CNOT3: variants seen among roughly 807,000 people sequenced by gnomAD.
CNOT3 encodes the protein CCR4-associated factor 3.
In CNOT3, 2 loss-of-function variants were observed where a neutral mutation model predicts 89.4. That is an observed-to-expected ratio of 0.02 (90% CI 0.01 to 0.07). The LOEUF (loss-of-function observed/expected upper bound fraction) is 0.07, where lower values mean the gene tolerates loss of function less well. CNOT3 is among the 10% of genes least tolerant of loss of function. CNOT3 has a pLI of 1.00. For missense variants in CNOT3, 664 were observed against 1,010.2 expected (o/e 0.66, Z 4.65); for synonymous variants, 486 against 402.0 (o/e 1.21, Z -2.50).
intron 13 of CNOT3, among the ~76,000 whole-genome samples, chr19:54,151,046 C>T (rs1406954182): frequency 6.6e-5 from 10 of 152,156 alleles, no homozygotes; most frequent in Non-Finnish European, 8.8e-5. Flanking sequence ...CCACCTTGAC[C>T]TCCCAAAGTG....
Position 54,148,734 on chromosome 19 carries a change from C to T in CNOT3, c.1397C>T (p.Pro466Leu), listed in dbSNP as rs1354453300. The T allele has an allele frequency of 1.9e-6, 3 of 1,611,778 alleles. No individual in the cohort carries two copies. Among genetic ancestry groups the T allele is most frequent in the Non-Finnish European group, 2.5e-6 (3 of 1,179,368 alleles). The change falls in exon 12 of 18, where the codon CCC becomes CTC. Residue 466 changes from proline to leucine, a missense_variant. Pro to Leu is a moderately conservative substitution (Grantham distance 98). This residue lies in a region of CNOT3 where 545 missense variants were observed against 566.2 expected (regional missense o/e 0.96). Coordinates refer to ENST00000221232, the MANE Select transcript of CNOT3 (RefSeq NM_014516.4). The surrounding 1 kb of genome is among the most constrained non-coding windows in gnomAD (Gnocchi z 6.3). Reference protein sequence around the residue: ...GPPSGPHNPPPSTSKEPSAAA... With the variant: ...GPPSGPHNPPLSTSKEPSAAA... ...CCTTCCGGCCCCCACAACCCACCTC[C>T]CAGCACCTCGTGAGTGTCTCGGCCA...
intron 17 of CNOT3, 109 bp downstream of exon 17, chr19:54,153,949 G>A (rs762827837): frequency 3.2e-5 from 45 of 1,417,322 alleles, no homozygotes; most frequent in African/African-American, 9.9e-5. Context: ...TTCAGCTGGC[G>A]CAGTCCCTCA....
At chr19:54,153,333 G>A (rs944624219) in intron 16 of CNOT3, 9 of 761,430 alleles carry the variant, frequency 1.2e-5, no homozygotes, top group Admixed American at 5.1e-5. Flanking sequence ...TCTGCTCATT[G>A]GCACATTCTC....
Position 54,148,754 on chromosome 19 carries a change from C to G in CNOT3, c.1406+11C>G. The G allele has an allele frequency of 1.2e-6, 2 of 1,609,436 alleles. No homozygotes were observed. Among genetic ancestry groups the G allele is most frequent in the East Asian group, 2.2e-5 (1 of 44,776 alleles). ...ACCTCCCAGCACCTCGTGAGTGTCTCGGCCATCGGCAGGGTTGGGATGGCA... is the reference window on the plus strand; with the variant it reads ...ACCTCCCAGCACCTCGTGAGTGTCTGGGCCATCGGCAGGGTTGGGATGGCA... On this transcript the variant is annotated intron_variant, in intron 12 of 17. Coordinates refer to ENST00000221232, the MANE Select transcript of CNOT3 (RefSeq NM_014516.4). The surrounding 1 kb of genome is among the most constrained non-coding windows in gnomAD (Gnocchi z 6.3).
rs145327076 is a variant in CNOT3, at chr19:54,147,349, G to C, written c.894+692G>C. 1.7e-3 allele frequency among the ~76,000 whole-genome samples: 253 copies of C among 152,318 alleles called. 5 individuals are homozygous for C. In the East Asian group the frequency reaches 0.04, roughly 24 times the overall value. ...ACCCTGAGTGGGCATTGAGGAGGCT[G>C]GTGTGGAGACTAAGGGGACCCGCAG... On this transcript the variant is annotated intron_variant, in intron 10 of 17. Transcript: ENST00000221232.
chr19:54,143,081 T>C, intron 2 of CNOT3, 38 bp from the exon 3 acceptor site: 1 of 1,611,434 alleles, frequency 6.2e-7, no homozygotes, highest in Non-Finnish European at 8.5e-7. Context: ...ACCTGCCACC[T>C]GGGCAGGATT....
At chr19:54,143,342 T>TG (rs34281370) in intron 3 of CNOT3, 100 bp from the exon 4 acceptor site, 35,134 of 916,118 alleles carry the variant, frequency 0.038, 439 homozygotes, top group African/African-American at 0.13. Context: ...GGGTAGGGGT[T>TG]GGGGGGGGTC....
At chr19:54,152,138 G>T in intron 13 of CNOT3, 88 bp from the exon 14 acceptor site, 1 of 1,426,752 alleles carries the variant, frequency 7.0e-7, no homozygotes, top group Non-Finnish European at 9.8e-7. Context: ...CCCCAAACAG[G>T]GCAGGTGAGA....
chr19:54,138,706 C>T (rs1332528881), intron 1 of CNOT3, among the ~76,000 whole-genome samples: 1 of 152,234 alleles, frequency 6.6e-6, no homozygotes, highest in African/African-American at 2.4e-5. Flanking sequence ...TAGTTGGAGC[C>T]TTTGCCGAAG....
In CNOT3 at chr19:54,148,580, C is replaced by T. The variant is rs777737001; in HGVS notation, c.1283-40C>T. On this transcript the variant is annotated intron_variant, in intron 11 of 17. Transcript: ENST00000221232. This position sits in a 1 kb window ranked among gnomAD's most constrained non-coding sequence, Gnocchi z 6.3. ...GGTGGGGGGCGTGGGCGGGGCTGGG[C>T]AGCAGGCAGCAGCCCTTTCCATTTA... 6.3e-7 allele frequency: 1 copy of T among 1,595,010 alleles called. No individual in the cohort carries two copies. Among genetic ancestry groups the T allele is most frequent in the Non-Finnish European group, 8.6e-7 (1 of 1,169,234 alleles).
rs1215289448 is a variant in CNOT3, at chr19:54,152,467, C to G, written c.1745C>G (p.Ala582Gly). Reference sequence around the variant, plus strand: ...AGTACATCAGCACCTCCGGCCTCAGCCCAGCCGCCCCTGCAGCTGTCAGAG... The same window carrying G: ...AGTACATCAGCACCTCCGGCCTCAGGCCAGCCGCCCCTGCAGCTGTCAGAG... ...LSSTSAPPAS[A>G]QPPLQLSEVN... Residue 582 changes from alanine (A) to glycine (G), a missense_variant, in exon 15 of 18, where the codon GCC becomes GGC. Physicochemically the swap from Ala to Gly is moderately conservative, Grantham distance 60. Around this residue, in one of 8 missense-constraint regions of CNOT3, gnomAD observed 545 missense variants for 566.2 expected, o/e 0.96. Coordinates refer to ENST00000221232, the MANE Select transcript of CNOT3 (RefSeq NM_014516.4). 6.2e-7 allele frequency: 1 copy of G among 1,614,206 alleles called. No individual in the cohort carries two copies. The highest frequency in any genetic ancestry group is 1.1e-5 in the South Asian group (1 of 91,090).
rs1325607262 is a variant in CNOT3, at chr19:54,144,470, G to C, written c.483+138G>C. On this transcript the variant is annotated intron_variant, in intron 7 of 17. Transcript: ENST00000221232. The surrounding 1 kb of genome is among the most constrained non-coding windows in gnomAD (Gnocchi z 4.8). ...GGACAGGGCCAACAGCCGGGATTAG[G>C]GATTTGAGAGACAGGATTGGGAGGG... is the stretch of plus-strand genomic sequence containing the variant. The C allele has an allele frequency of 1.5e-6, 1 of 676,832 alleles. No homozygotes were observed. The highest frequency in any genetic ancestry group is 1.8e-5 in the African/African-American group (1 of 55,614). 41.9% of individuals were successfully genotyped at this position (676,832 alleles called of 1,614,324 possible). A position where few individuals can be genotyped will look rare whatever the true frequency, so the allele number is the denominator to read the frequency against.
chr19:54,150,778 G>A (rs2075049341), intron 13 of CNOT3, among the ~76,000 whole-genome samples: 1 of 151,980 alleles, frequency 6.6e-6, no homozygotes, highest in Non-Finnish European at 1.5e-5. Context: ...TGGCCCAACA[G>A]AAGCATTAAT....
intron 10 of CNOT3, among the ~76,000 whole-genome samples, chr19:54,147,161 T>A (rs112203155): frequency 6.6e-6 from 1 of 152,170 alleles, no homozygotes; most frequent in Admixed American, 6.5e-5. Flanking sequence ...CACTGCAAAT[T>A]TCTGAGAGGA....
chr19:54,147,085 C>T (rs887768940), intron 10 of CNOT3, among the ~76,000 whole-genome samples: 1 of 152,164 alleles, frequency 6.6e-6, no homozygotes, highest in East Asian at 1.9e-4. Context: ...GCTTTGTGGA[C>T]CTGAGTGGCC....
rs1378579106 is a variant in CNOT3, at chr19:54,142,957, G to C, written c.-22G>C. The C allele has an allele frequency of 6.2e-7, 1 of 1,613,240 alleles. No homozygotes were observed. Among genetic ancestry groups the C allele is most frequent in the Non-Finnish European group, 8.5e-7 (1 of 1,179,486 alleles). ...CCGTCTCCAAGAGAGTATGAAGAGA[G>C]TGCGTCTGTAGGGCAGGGAAGATGG... On this transcript the variant is annotated 5_prime_UTR_variant, in exon 2 of 18. Coordinates refer to ENST00000221232, the MANE Select transcript of CNOT3 (RefSeq NM_014516.4).
Position 54,152,508 on chromosome 19 carries a change from T to C in CNOT3, c.1786T>C (p.Ser596Pro). The C allele has an allele frequency of 6.2e-7, 1 of 1,614,164 alleles. No individual in the cohort carries two copies. ...LQLSEVNIPL[S>P]LGVCPLGPVP... The stretch of plus-strand genomic sequence containing the variant: ...GCTGTCAGAGGTGAACATACCGCTG[T>C]CGCTGGGTGTCTGTCCACTGGGCCC... Residue 596 changes from serine to proline, a missense_variant, in exon 15 of 18, where the codon TCG becomes CCG. Ser to Pro is a moderately conservative substitution (Grantham distance 74). Coordinates refer to ENST00000221232, the MANE Select transcript of CNOT3 (RefSeq NM_014516.4).
At chr19:54,142,640 G>A (rs1370153926) in intron 1 of CNOT3, 1 of 510,674 alleles carries the variant, frequency 2.0e-6, no homozygotes, top group Non-Finnish European at 3.6e-6. Context: ...TGTATTCTGG[G>A]GAGAAGGTAC....
intron 1 of CNOT3, chr19:54,142,450 A>ACACACACACACACACACACC: frequency 4.3e-6 from 1 of 234,824 alleles, no homozygotes. Context: ...ACACACACAC[A>ACACACACACACACACACACC]CGCCCTTCTC....
Sources: allele counts gnomAD v4.1 joint callset (sites outside exome capture counted in the v4.1 genomes callset), GRCh38; gene constraint gnomAD v4.1.1; regional missense constraint gnomAD v4.1.1; non-coding constraint Gnocchi (gnomAD v3.1); transcripts MANE v1.5; gene names NCBI Gene and HGNC (gene_info 2026-07-23, HGNC 2026-07-21).